The following STX8 variants were observed in gnomAD, a reference collection of about 807,000 sequenced individuals.
STX8 encodes the protein syntaxin 8.
A neutral mutation model predicts 37.5 loss-of-function variants in STX8; 23 were observed. The observed-to-expected ratio is 0.61, with a 90% CI of 0.44 to 0.87. The LOEUF is 0.87. Ranked by LOEUF, STX8 falls within the 40% of genes least tolerant of loss-of-function variation. The pLI, the probability that STX8 is intolerant of heterozygous loss-of-function variation, is 0.00. For missense variants in STX8, 313 were observed against 284.7 expected, an observed-to-expected ratio of 1.10 and a Z score of -0.71; for synonymous variants, 115 against 99.1, an observed-to-expected ratio of 1.16 and a Z score of -0.95.
At position 9,389,826 on chromosome 17, in the gene STX8, G is replaced by A. The variant is rs141901325; in HGVS notation, c.542-11173C>T. ...TGAGGGTATTAGTTTAATTCCCTCC[G>A]TTCCCTATAATTGATATCATACTCA... On this transcript the variant is annotated intron_variant, in intron 6 of 7. Transcript: ENST00000306357. 1.8e-3 allele frequency among the ~76,000 whole-genome samples: 279 copies of A among 152,120 alleles called. 1 individual carries two copies. The highest frequency in any genetic ancestry group is 5.6e-3 in the African/African-American group (231 of 41,494).
At position 9,526,094 on chromosome 17, in the gene STX8, C is replaced by T. The variant is rs188656535; in HGVS notation, c.323+19078G>A. Among the ~76,000 whole-genome samples the T allele has an allele frequency of 9.2e-5, 14 of 152,182 alleles. No individual in the cohort carries two copies. In the East Asian group the frequency reaches 2.1e-3, roughly 23 times the overall value. The stretch of plus-strand genomic sequence containing the variant: ...ATACTGTCCCTGCAAGTGTGAAAGA[C>T]GAAGTATTCAAAGCCAGTGGGAAAG... On this transcript the variant is annotated intron_variant, in intron 4 of 7. Coordinates refer to ENST00000306357, the MANE Select transcript of STX8 (RefSeq NM_004853.3).
intron 7 of STX8, among the ~76,000 whole-genome samples, chr17:9,311,042 G>A (rs1909172336): frequency 6.6e-6 from 1 of 152,220 alleles, no homozygotes; most frequent in South Asian, 2.1e-4. Flanking sequence ...TTCGAGACCA[G>A]CCTGACCCAC....
intron 6 of STX8, among the ~76,000 whole-genome samples, chr17:9,394,959 C>T (rs1912348026): frequency 6.6e-6 from 1 of 151,240 alleles, no homozygotes. Context: ...CGCCGTAATC[C>T]CAACTACTCG....
At chr17:9,428,722 A>C (rs899489101) in intron 6 of STX8, among the ~76,000 whole-genome samples, 1 of 152,236 alleles carries the variant, frequency 6.6e-6, no homozygotes, top group Non-Finnish European at 1.5e-5. Flanking sequence ...TTCAGTATGT[A>C]ATCAATATAG....
chr17:9,298,903 C>G (rs1597590868), intron 7 of STX8, among the ~76,000 whole-genome samples: 1 of 152,182 alleles, frequency 6.6e-6, no homozygotes, highest in African/African-American at 2.4e-5. Context: ...CTCAGAAGAT[C>G]CAGGCTCTTC....
chr17:9,526,268 TC>T (rs1459304168), intron 4 of STX8, among the ~76,000 whole-genome samples: 7 of 152,060 alleles, frequency 4.6e-5, no homozygotes, highest in African/African-American at 1.7e-4. Context: ...CACAACGACT[TC>T]TCTAAGAATC....
At position 9,556,768 on chromosome 17, in the gene STX8, TATATATATATATATATATATATATATAC is replaced by T. The variant is rs1175089193; in HGVS notation, c.212+638_212+665del. The stretch of plus-strand genomic sequence containing the variant: ...TTTCTAAAATATATATATATATATA[TATATATATATATATATATATATATATAC>T]ACATACATATATATATATATATATT... On this transcript the variant is annotated intron_variant, in intron 3 of 7. Coordinates refer to ENST00000306357, the MANE Select transcript of STX8 (RefSeq NM_004853.3). 2.9e-3 allele frequency: 174 copies of T among 61,024 alleles called. 5 individuals are homozygous for T. In the South Asian group the frequency reaches 0.032, roughly 11 times the overall value. 3.8% of individuals were successfully genotyped at this position (61,024 alleles called of 1,614,324 possible).
intron 6 of STX8, among the ~76,000 whole-genome samples, chr17:9,479,569 AT>A (rs1181241992): frequency 6.7e-6 from 1 of 148,504 alleles, no homozygotes; most frequent in Non-Finnish European, 1.5e-5. Flanking sequence ...ATAAATATAT[AT>A]TAAGTATATA....
At chr17:9,339,816 G>A (rs559383984) in intron 7 of STX8, among the ~76,000 whole-genome samples, 4 of 152,292 alleles carry the variant, frequency 2.6e-5, no homozygotes, top group South Asian at 2.1e-4. Flanking sequence ...CAGAATTGGC[G>A]TAAGGACCGA....
intron 7 of STX8, among the ~76,000 whole-genome samples, chr17:9,292,040 G>A (rs1344009780): frequency 6.6e-6 from 1 of 152,228 alleles, no homozygotes; most frequent in Non-Finnish European, 1.5e-5. Context: ...GTGTTCCTGA[G>A]TGTTGGATGG....
chr17:9,301,675 G>T (rs1433365226), intron 7 of STX8, among the ~76,000 whole-genome samples: 84 of 149,092 alleles, frequency 5.6e-4, no homozygotes, highest in Non-Finnish European at 6.2e-4. Flanking sequence ...TGTATTTTTA[G>T]TAGAGACGGG....
intron 7 of STX8, among the ~76,000 whole-genome samples, chr17:9,363,623 CAT>C (rs1244505263): frequency 2.6e-5 from 4 of 152,190 alleles, no homozygotes; most frequent in Non-Finnish European, 4.4e-5. Flanking sequence ...CGCGTACAAA[CAT>C]GTACACGTAC....
chr17:9,489,770 C>T (rs573617405), intron 6 of STX8, among the ~76,000 whole-genome samples: 8 of 149,878 alleles, frequency 5.3e-5, no homozygotes, highest in African/African-American at 1.7e-4. Flanking sequence ...CTCACTGCAA[C>T]GTCTGCCTCC....
chr17:9,329,007 G>A (rs530029099), intron 7 of STX8, among the ~76,000 whole-genome samples: 28 of 123,776 alleles, frequency 2.3e-4, no homozygotes, highest in South Asian at 1.7e-3. Context: ...CTGAGATCGC[G>A]CCACTGCACT....
At chr17:9,530,275 C>T (rs1905762747) in intron 4 of STX8, among the ~76,000 whole-genome samples, 1 of 145,732 alleles carries the variant, frequency 6.9e-6, no homozygotes, top group Non-Finnish European at 1.5e-5. Flanking sequence ...CGCGCCACTG[C>T]ACCCCAGCCT....
intron 7 of STX8, among the ~76,000 whole-genome samples, chr17:9,252,986 A>G (rs1164730033): frequency 6.6e-6 from 1 of 152,208 alleles, no homozygotes; most frequent in Non-Finnish European, 1.5e-5. Context: ...CCTCTTCCAG[A>G]GGCTTGCTAG....
intron 4 of STX8, among the ~76,000 whole-genome samples, chr17:9,536,777 CTT>C (rs1906075774): frequency 1.3e-5 from 2 of 150,462 alleles, no homozygotes; most frequent in Admixed American, 1.3e-4. Context: ...GGGTTTCACT[CTT>C]GTTGCCCAAG....
At chr17:9,537,806 C>G (rs1210143884) in intron 4 of STX8, among the ~76,000 whole-genome samples, 2 of 152,190 alleles carry the variant, frequency 1.3e-5, no homozygotes, top group East Asian at 3.8e-4. Context: ...TAAGTATTAA[C>G]CATACAGTCT....
At chr17:9,485,570 T>C (rs141803549) in intron 6 of STX8, among the ~76,000 whole-genome samples, 20 of 139,652 alleles carry the variant, frequency 1.4e-4, no homozygotes, top group Middle Eastern at 3.7e-3. Flanking sequence ...GAGTTCTTTG[T>C]TTTTGTTTTT....
Sources: allele counts gnomAD v4.1 joint callset (sites outside exome capture counted in the v4.1 genomes callset), GRCh38; gene constraint gnomAD v4.1.1; transcripts MANE v1.5; gene names NCBI Gene and HGNC (gene_info 2026-07-23, HGNC 2026-07-21).